GRM7: variants seen among roughly 807,000 people sequenced by gnomAD.
GRM7 encodes glutamate metabotropic receptor 7.
A neutral mutation model predicts 84.5 loss-of-function variants in GRM7; 35 were observed. The observed-to-expected ratio is 0.41, with a 90% CI of 0.32 to 0.55. The LOEUF is 0.55. GRM7 is among the 20% of genes least tolerant of loss of function. GRM7 has a pLI of 0.19. For synonymous variants in GRM7, 487 were observed against 455.1 expected (o/e 1.07, Z -0.89); for missense variants, 1,003 against 1,194.6 (o/e 0.84, Z 2.36).
intron 8 of GRM7, among the ~76,000 whole-genome samples, chr3:7,585,118 A>G (rs554554152): frequency 6.6e-6 from 1 of 152,298 alleles, no homozygotes; most frequent in African/African-American, 2.4e-5. Flanking sequence ...GTCCCAGTGC[A>G]TAGTTTTTGC....
chr3:7,146,329 T>G, intron 1 of GRM7, 123 bp from the exon 2 acceptor site: 1 of 740,440 alleles, frequency 1.4e-6, no homozygotes, highest in Non-Finnish European at 2.3e-6. Flanking sequence ...ATGGTGGTGT[T>G]TGGCAAAACA....
At chr3:7,111,322 T>TGGCTAGA (rs1162050207) in intron 1 of GRM7, among the ~76,000 whole-genome samples, 11 of 152,150 alleles carry the variant, frequency 7.2e-5, no homozygotes, top group Non-Finnish European at 1.6e-4. Context: ...AAAGTAGGCA[T>TGGCTAGA]GGCTAGAGGC....
At chr3:7,588,114 GT>G in intron 8 of GRM7, among the ~76,000 whole-genome samples, 2 of 151,990 alleles carry the variant, frequency 1.3e-5, no homozygotes, top group East Asian at 3.9e-4. Context: ...AAGAATTGTT[GT>G]TGAAGAGTAT....
intron 2 of GRM7, among the ~76,000 whole-genome samples, chr3:7,214,714 G>A (rs1243784571): frequency 6.6e-6 from 1 of 152,152 alleles, no homozygotes; most frequent in Non-Finnish European, 1.5e-5. Flanking sequence ...TATAAGGGAA[G>A]GAAAATGCTG....
chr3:6,935,870 A>G (rs761976277), intron 1 of GRM7, among the ~76,000 whole-genome samples: 2 of 151,764 alleles, frequency 1.3e-5, no homozygotes, highest in Non-Finnish European at 2.9e-5. Context: ...TAATTTTTGT[A>G]TTTTTAGTAG....
chr3:7,308,960 T>C (rs1339622679), intron 4 of GRM7, among the ~76,000 whole-genome samples: 1 of 152,200 alleles, frequency 6.6e-6, no homozygotes, highest in East Asian at 1.9e-4. Context: ...AACAGCATCA[T>C]GAACTAGCAA....
At chr3:6,912,710 C>T (rs1261262025) in intron 1 of GRM7, among the ~76,000 whole-genome samples, 4 of 151,728 alleles carry the variant, frequency 2.6e-5, no homozygotes, top group African/African-American at 9.7e-5. Context: ...TTAAAAAATC[C>T]CACTTAAGAA....
chr3:7,399,842 C>G (rs970452766), intron 4 of GRM7, among the ~76,000 whole-genome samples: 1 of 152,118 alleles, frequency 6.6e-6, no homozygotes, highest in Non-Finnish European at 1.5e-5. Flanking sequence ...AAGCCATCAC[C>G]AGAAGCAAAT....
chr3:7,258,234 G>T (rs1698281438), intron 2 of GRM7, among the ~76,000 whole-genome samples: 1 of 151,946 alleles, frequency 6.6e-6, no homozygotes, highest in African/African-American at 2.4e-5. Context: ...CCATTTCTTG[G>T]CTAGTTCCCT....
intron 5 of GRM7, among the ~76,000 whole-genome samples, chr3:7,452,262 T>C (rs2124891321): frequency 6.6e-6 from 1 of 152,140 alleles, no homozygotes; most frequent in East Asian, 1.9e-4. Flanking sequence ...TCATTATCCA[T>C]TTGACCTTTC....
intron 1 of GRM7, among the ~76,000 whole-genome samples, chr3:7,034,760 A>G (rs1247937258): frequency 6.6e-6 from 1 of 152,220 alleles, no homozygotes; most frequent in Non-Finnish European, 1.5e-5. Context: ...TTAAAGGGTG[A>G]CTGGTGCAAT....
intron 1 of GRM7, among the ~76,000 whole-genome samples, chr3:6,907,254 G>A (rs1696612846): frequency 6.6e-6 from 1 of 152,048 alleles, no homozygotes; most frequent in African/African-American, 2.4e-5. Context: ...AAAATACAAA[G>A]TAAAAAGGGG....
intron 8 of GRM7, among the ~76,000 whole-genome samples, chr3:7,648,503 G>C (rs1403859647): frequency 6.6e-6 from 1 of 151,884 alleles, no homozygotes; most frequent in East Asian, 1.9e-4. Context: ...CAAAAAGTTA[G>C]CTGGGCATGG....
At chr3:6,926,258 A>G (rs953172401) in intron 1 of GRM7, among the ~76,000 whole-genome samples, 5 of 152,180 alleles carry the variant, frequency 3.3e-5, no homozygotes, top group African/African-American at 7.2e-5. Flanking sequence ...ATATCCATTG[A>G]TCTATCTGCT....
At chr3:7,158,666 A>T (rs1462602201) in intron 2 of GRM7, among the ~76,000 whole-genome samples, 1 of 152,220 alleles carries the variant, frequency 6.6e-6, no homozygotes, top group Non-Finnish European at 1.5e-5. Flanking sequence ...CCAGGTGCTG[A>T]TCAGAGCTTA....
rs75052111 is a variant in GRM7, at chr3:7,591,402, C to T, written c.2451+12045C>T. ...CAGTGATGGTAAGGATGTGGGAAAACGAATATTTTTATTGTTTACAAATGA... is the reference window on the plus strand; with the variant it reads ...CAGTGATGGTAAGGATGTGGGAAAATGAATATTTTTATTGTTTACAAATGA... On this transcript the variant is annotated intron_variant, in intron 8 of 9. Transcript: ENST00000357716. 124 of 415,870 alleles carry T rather than the reference C, an allele frequency of 3.0e-4. 1 individual carries two copies. The East Asian group carries it at 6.1e-3, about 21-fold the overall frequency. 25.8% of individuals were successfully genotyped at this position (415,870 alleles called of 1,614,324 possible). A position where few individuals can be genotyped will look rare whatever the true frequency, so the allele number is the denominator to read the frequency against.
chr3:6,919,115 T>C (rs6783690), intron 1 of GRM7, among the ~76,000 whole-genome samples: 82,781 of 151,806 alleles, frequency 0.55, 24,461 homozygotes, highest in African/African-American at 0.8. Context: ...TCTTGCCTCA[T>C]TGGTCTAATG....
At chr3:6,917,148 C>T (rs1696968669) in intron 1 of GRM7, among the ~76,000 whole-genome samples, 2 of 152,000 alleles carry the variant, frequency 1.3e-5, no homozygotes, top group Non-Finnish European at 2.9e-5. Flanking sequence ...TTGATAATAC[C>T]TTCATTATAG....
intron 5 of GRM7, among the ~76,000 whole-genome samples, chr3:7,424,186 T>G (rs1696509540): frequency 6.6e-6 from 1 of 152,004 alleles, no homozygotes; most frequent in African/African-American, 2.4e-5. Flanking sequence ...AAGAATTAAA[T>G]AGAGCAATAC....
Sources: allele counts gnomAD v4.1 joint callset (sites outside exome capture counted in the v4.1 genomes callset), GRCh38; gene constraint gnomAD v4.1.1; transcripts MANE v1.5; gene names NCBI Gene and HGNC (gene_info 2026-07-23, HGNC 2026-07-21).